Variants in PPP2R2C observed in about 807,000 individuals in gnomAD.
The protein encoded by PPP2R2C is protein phosphatase 2, regulatory subunit B, gamma.
PPP2R2C carries 10 observed loss-of-function variants against 45.3 expected under a neutral mutation model. That is an observed-to-expected ratio of 0.22 (90% CI 0.14 to 0.37). PPP2R2C has a LOEUF of 0.37. Among genes scored for constraint, PPP2R2C ranks in the 10% least tolerant of loss-of-function variants. The pLI is 1.00. For missense variants in PPP2R2C, 308 were observed against 619.7 expected (o/e 0.50, Z 5.34); for synonymous variants, 257 against 245.4 (o/e 1.05, Z -0.44).
chr4:6,501,875 G>A (rs1028247653), intron 2 of PPP2R2C, among the ~76,000 whole-genome samples: 3 of 152,230 alleles, frequency 2.0e-5, no homozygotes, highest in Non-Finnish European at 2.9e-5. Context: ...GAGAGACCCA[G>A]TATCTTTGTC....
intron 1 of PPP2R2C, among the ~76,000 whole-genome samples, chr4:6,439,376 CT>C (rs1230239559): frequency 6.6e-6 from 1 of 152,194 alleles, no homozygotes; most frequent in African/African-American, 2.4e-5. Context: ...TACGGGGGTG[CT>C]TTTCCAGTTT....
rs57209185 is a variant in PPP2R2C at position 6,408,873 on chromosome 4, C to CTTTTTT, written c.71-27785_71-27780dup. On this transcript the variant is annotated intron_variant, in intron 1 of 8. Coordinates refer to ENST00000382599, the MANE Select transcript of PPP2R2C (RefSeq NM_020416.4). ...AGAGGGCCTCTCAAGGATCCTGTGG[C>CTTTTTT]TTTTTTTTTTTTTTTTTTAGGATTA... Among the ~76,000 whole-genome samples the CTTTTTT allele has an allele frequency of 6.3e-5, 8 of 126,754 alleles. 2 individuals are homozygous for CTTTTTT. The highest frequency in any genetic ancestry group is 6.6e-5 in the Non-Finnish European group (4 of 60,156). 83.2% of individuals were successfully genotyped at this position (126,754 alleles called of 152,430 possible). A position where few individuals can be genotyped will look rare whatever the true frequency, so the allele number is the denominator to read the frequency against.
chr4:6,479,140 C>T (rs1400947827), intron 2 of PPP2R2C, among the ~76,000 whole-genome samples: 1 of 152,216 alleles, frequency 6.6e-6, no homozygotes, highest in Non-Finnish European at 1.5e-5. Context: ...CCAAGTTACT[C>T]AGCTCCTAAG....
At chr4:6,472,054 G>GTGGGGT in intron 1 of PPP2R2C, 106 bp downstream of exon 1, 1 of 1,380,698 alleles carries the variant, frequency 7.2e-7, no homozygotes, top group Non-Finnish European at 1.0e-6. Context: ...GTGGGGCGGG[G>GTGGGGT]GGACACGACA....
In PPP2R2C at chr4:6,323,316, A is replaced by C. The variant is rs1731673212; in HGVS notation, c.1330T>G (p.Ser444Ala). The change falls in exon 9 of 9, where the codon TCT becomes GCT. Residue 444 changes from serine to alanine, a missense_variant. By Grantham distance (99) the Ser-to-Ala change is moderately conservative. Coordinates refer to ENST00000382599, the MANE Select transcript of PPP2R2C (RefSeq NM_020416.4). ...ACTGCACATACCTAGTGCATGTCAG[A>C]GTTTACCTTGTCCTGGAAGATGTAC... The part of the protein sequence containing the change: ...NLYIFQDKVN[S>A]DMH 1 of 1,603,574 alleles carries C rather than the reference A, an allele frequency of 6.2e-7. No homozygotes were observed. The highest frequency in any genetic ancestry group is 1.3e-5 in the African/African-American group (1 of 74,758).
chr4:6,481,474 T>C (rs1030372036), intron 2 of PPP2R2C, among the ~76,000 whole-genome samples: 1 of 152,340 alleles, frequency 6.6e-6, no homozygotes, highest in African/African-American at 2.4e-5. Context: ...CATATACATG[T>C]GCCTTTATTT....
At chr4:6,343,286 G>A (rs975447502) in intron 6 of PPP2R2C, among the ~76,000 whole-genome samples, 1 of 152,184 alleles carries the variant, frequency 6.6e-6, no homozygotes, top group African/African-American at 2.4e-5. Context: ...AATGGAAGCT[G>A]TAAAAGCATG....
intron 1 of PPP2R2C, among the ~76,000 whole-genome samples, chr4:6,390,081 G>A (rs1716495510): frequency 6.6e-6 from 1 of 152,194 alleles, no homozygotes; most frequent in African/African-American, 2.4e-5. Context: ...CACAGCAAAA[G>A]GGTCTGGAGT....
At chr4:6,470,605 C>T (rs904341751) in intron 1 of PPP2R2C, among the ~76,000 whole-genome samples, 3 of 152,222 alleles carry the variant, frequency 2.0e-5, no homozygotes, top group Admixed American at 1.3e-4. Flanking sequence ...CGGCCCGAGC[C>T]AGGCCACCGA....
intron 2 of PPP2R2C, among the ~76,000 whole-genome samples, chr4:6,489,335 T>G (rs1310899378): frequency 6.6e-6 from 1 of 152,176 alleles, no homozygotes; most frequent in Non-Finnish European, 1.5e-5. Context: ...TGTTATTCCA[T>G]TTTGGCCAGA....
chr4:6,453,822 G>T (rs7691387), intron 1 of PPP2R2C, among the ~76,000 whole-genome samples: 5 of 152,054 alleles, frequency 3.3e-5, no homozygotes, highest in African/African-American at 1.2e-4. Flanking sequence ...CAGCCCCACC[G>T]AGGGCCACGT....
intron 1 of PPP2R2C, among the ~76,000 whole-genome samples, chr4:6,458,495 A>C (rs552678743): frequency 6.6e-6 from 1 of 152,260 alleles, no homozygotes; most frequent in Non-Finnish European, 1.5e-5. Flanking sequence ...TGAGGGCTCC[A>C]CCCTCACAAC....
intron 1 of PPP2R2C, among the ~76,000 whole-genome samples, chr4:6,448,913 C>T (rs1300804586): frequency 6.6e-6 from 1 of 152,162 alleles, no homozygotes; most frequent in Non-Finnish European, 1.5e-5. Context: ...GGGCAGTGCC[C>T]CTGCTGATGT....
At chr4:6,517,210 C>A (rs937383637) in intron 2 of PPP2R2C, among the ~76,000 whole-genome samples, 1 of 152,120 alleles carries the variant, frequency 6.6e-6, no homozygotes, top group Admixed American at 6.5e-5. Context: ...ACTGATCTTC[C>A]CCTGTGATGC....
chr4:6,398,792 C>T (rs1018857051), intron 1 of PPP2R2C, among the ~76,000 whole-genome samples: 3 of 152,158 alleles, frequency 2.0e-5, no homozygotes, highest in South Asian at 2.1e-4. Context: ...TGCATACGTA[C>T]GTGTTCATAG....
intron 5 of PPP2R2C, chr4:6,349,018 G>A (rs768079124): frequency 2.9e-4 from 283 of 985,138 alleles, no homozygotes; most frequent in Non-Finnish European, 3.2e-4. Flanking sequence ...AACCTCCCCG[G>A]CCCCAGCACC....
chr4:6,433,856 T>G (rs1180873507), intron 1 of PPP2R2C, among the ~76,000 whole-genome samples: 2 of 152,192 alleles, frequency 1.3e-5, no homozygotes, highest in East Asian at 3.9e-4. Flanking sequence ...CAGTCAGGGT[T>G]CGAACTCGAA....
rs2109145961 is a variant in PPP2R2C at position 6,324,216 on chromosome 4, G to C, written c.1053-623C>G. Among the ~76,000 whole-genome samples the C allele has an allele frequency of 6.6e-6, 1 of 152,164 alleles. No homozygotes were observed. Among genetic ancestry groups the C allele is most frequent in the South Asian group, 2.1e-4 (1 of 4,824 alleles). On this transcript the variant is annotated intron_variant, in intron 8 of 8. Coordinates refer to ENST00000382599, the MANE Select transcript of PPP2R2C (RefSeq NM_020416.4). The surrounding 1 kb of genome is among the most constrained non-coding windows in gnomAD (Gnocchi z 4.1). ...GGAAGCCAAGGCGGGCAGATCACCT[G>C]AGGTTAGGAGTTTGAGACCAGCCTG...
intron 1 of PPP2R2C, among the ~76,000 whole-genome samples, chr4:6,418,501 A>T (rs912219922): frequency 3.9e-5 from 6 of 152,166 alleles, no homozygotes; most frequent in Admixed American, 1.3e-4. Flanking sequence ...CTCTTCTCTA[A>T]ACTCCTGCAT....
Sources: allele counts gnomAD v4.1 joint callset (sites outside exome capture counted in the v4.1 genomes callset), GRCh38; gene constraint gnomAD v4.1.1; non-coding constraint Gnocchi (gnomAD v3.1); transcripts MANE v1.5; gene names NCBI Gene and HGNC (gene_info 2026-07-23, HGNC 2026-07-21).